EPHA6: variants seen among roughly 807,000 people sequenced by gnomAD.
The protein encoded by EPHA6 is EPH receptor A6.
EPHA6 carries 50 observed loss-of-function variants against 112.0 expected under a neutral mutation model. That is an observed-to-expected ratio of 0.45 (90% CI 0.36 to 0.56). The LOEUF (loss-of-function observed/expected upper bound fraction) is 0.56, where lower values mean the gene tolerates loss of function less well. EPHA6 is among the 20% of genes least tolerant of loss of function. EPHA6 has a pLI of 0.00. For synonymous variants in EPHA6, 529 were observed against 490.7 expected (o/e 1.08, Z -1.03); for missense variants, 1,280 against 1,417.4 (o/e 0.90, Z 1.56).
chr3:97,422,728 T>C (rs2088774368), intron 6 of EPHA6, among the ~76,000 whole-genome samples: 1 of 151,992 alleles, frequency 6.6e-6, no homozygotes, highest in Non-Finnish European at 1.5e-5. Flanking sequence ...AACTCAGTCA[T>C]ATATCCCTGA....
chr3:97,601,292 C>T (rs2093641248), intron 12 of EPHA6, among the ~76,000 whole-genome samples: 1 of 152,184 alleles, frequency 6.6e-6, no homozygotes, highest in East Asian at 1.9e-4. Context: ...TCATGTAAAT[C>T]AGTATTTACT....
At chr3:96,889,459 G>A (rs1034039718) in intron 2 of EPHA6, among the ~76,000 whole-genome samples, 2 of 152,122 alleles carry the variant, frequency 1.3e-5, no homozygotes, top group East Asian at 1.9e-4. Context: ...AACGTGAAAG[G>A]CACTTCTTAC....
intron 5 of EPHA6, among the ~76,000 whole-genome samples, chr3:97,273,825 T>G (rs1576819633): frequency 6.6e-6 from 1 of 152,286 alleles, no homozygotes; most frequent in East Asian, 1.9e-4. Flanking sequence ...ATGACCGCAG[T>G]GGCCTTCTCA....
chr3:97,700,811 T>A (rs1388830210), intron 14 of EPHA6, among the ~76,000 whole-genome samples: 1 of 152,202 alleles, frequency 6.6e-6, no homozygotes, highest in African/African-American at 2.4e-5. Flanking sequence ...AATCAATAGA[T>A]GTACAAAGAT....
chr3:97,387,194 A>G (rs2086119410), intron 5 of EPHA6, among the ~76,000 whole-genome samples: 1 of 152,182 alleles, frequency 6.6e-6, no homozygotes, highest in African/African-American at 2.4e-5. Flanking sequence ...CTATTTACTT[A>G]TGCAAATTTC....
intron 3 of EPHA6, among the ~76,000 whole-genome samples, chr3:97,213,478 AT>A (rs1373368977): frequency 6.6e-6 from 1 of 152,210 alleles, no homozygotes; most frequent in African/African-American, 2.4e-5. Flanking sequence ...CGGGTGGGGA[AT>A]TGCCACATTC....
At chr3:97,277,904 C>T (rs371715431) in intron 5 of EPHA6, among the ~76,000 whole-genome samples, 1 of 152,116 alleles carries the variant, frequency 6.6e-6, no homozygotes, top group Non-Finnish European at 1.5e-5. Context: ...TGAGGCTACA[C>T]TAAATTTATA....
intron 17 of EPHA6, among the ~76,000 whole-genome samples, chr3:97,748,147 A>T (rs1285542721): frequency 6.6e-6 from 1 of 152,114 alleles, no homozygotes; most frequent in Non-Finnish European, 1.5e-5. Flanking sequence ...GATATCAAAA[A>T]TCCATGAGAA....
intron 12 of EPHA6, among the ~76,000 whole-genome samples, chr3:97,600,796 G>A (rs1312563402): frequency 1.3e-5 from 2 of 150,936 alleles, no homozygotes; most frequent in Non-Finnish European, 2.9e-5. Flanking sequence ...TGTAAGACTA[G>A]CAGTGCATTA....
At chr3:97,330,859 T>C (rs901568685) in intron 5 of EPHA6, among the ~76,000 whole-genome samples, 2 of 152,096 alleles carry the variant, frequency 1.3e-5, no homozygotes, top group African/African-American at 4.8e-5. Context: ...TTAACAAGGA[T>C]ATCCGGGAAC....
At chr3:97,275,535 C>T (rs914839325) in intron 5 of EPHA6, among the ~76,000 whole-genome samples, 31 of 151,818 alleles carry the variant, frequency 2.0e-4, no homozygotes, top group Admixed American at 4.6e-4. Context: ...TTTGGCACGA[C>T]GGGGTGGATA....
intron 2 of EPHA6, among the ~76,000 whole-genome samples, chr3:96,908,222 A>G (rs1391824433): frequency 6.6e-6 from 1 of 152,016 alleles, no homozygotes; most frequent in Non-Finnish European, 1.5e-5. Context: ...CTATATATGC[A>G]GTCAGTCATT....
chr3:97,371,472 A>G (rs532311929), intron 5 of EPHA6, among the ~76,000 whole-genome samples: 2 of 152,266 alleles, frequency 1.3e-5, no homozygotes, highest in South Asian at 2.1e-4. Context: ...CACCTCCCCA[A>G]TCAATACCCT....
intron 1 of EPHA6, among the ~76,000 whole-genome samples, chr3:96,832,434 A>G (rs1422665791): frequency 2.0e-5 from 3 of 152,090 alleles, no homozygotes. Flanking sequence ...CTTTGTCCTG[A>G]TAAAACTCTT....
chr3:97,052,697 G>T (rs950921031), intron 3 of EPHA6, among the ~76,000 whole-genome samples: 1 of 152,102 alleles, frequency 6.6e-6, no homozygotes, highest in Non-Finnish European at 1.5e-5. Context: ...CCTGACTGGG[G>T]TTTGGATTTC....
intron 2 of EPHA6, among the ~76,000 whole-genome samples, chr3:96,911,377 C>T (rs529158839): frequency 1.5e-4 from 23 of 151,952 alleles, no homozygotes; most frequent in Middle Eastern, 3.4e-3. Context: ...TGTAAGAATA[C>T]GGTTATGTTT....
chr3:97,181,557 A>G (rs1170384130), intron 3 of EPHA6, among the ~76,000 whole-genome samples: 4 of 151,492 alleles, frequency 2.6e-5, no homozygotes, highest in Admixed American at 2.0e-4. Flanking sequence ...GTTCTTAAGG[A>G]TATCAAATAG....
At position 96,978,698 on chromosome 3, in the gene EPHA6, TA is replaced by T. The variant is rs576606303; in HGVS notation, c.451-8623del. 2.0e-4 allele frequency among the ~76,000 whole-genome samples: 31 copies of T among 151,244 alleles called. 2 individuals are homozygous for T. Among genetic ancestry groups the T allele is most frequent in the African/African-American group, 6.8e-4 (28 of 41,292 alleles). ...TTCATCAAACATCACAAACTCAGTGTAAAAAAAAATGCATCATTTTGTTATG... is the reference window on the plus strand; with the variant it reads ...TTCATCAAACATCACAAACTCAGTGTAAAAAAAATGCATCATTTTGTTATG... On this transcript the variant is annotated intron_variant, in intron 2 of 17. Transcript: ENST00000389672.
intron 13 of EPHA6, among the ~76,000 whole-genome samples, chr3:97,619,693 G>C (rs535697386): frequency 9.9e-5 from 15 of 151,970 alleles, no homozygotes; most frequent in African/African-American, 2.4e-4. Flanking sequence ...AAAACACCTA[G>C]GAATACATCT....
Sources: gnomAD v4.1 joint callset for allele counts (sites outside exome capture counted in the v4.1 genomes callset) on GRCh38, gnomAD v4.1.1 for gene constraint, MANE v1.5 for transcripts, NCBI Gene and HGNC (gene_info 2026-07-23, HGNC 2026-07-21) for gene names.